The following MAP2K7 variants were observed in gnomAD, a reference collection of about 807,000 sequenced individuals.
MAP2K7 encodes dual specificity mitogen-activated protein kinase kinase 7.
Under a neutral mutation model 47.7 loss-of-function variants are expected in MAP2K7, and 12 were observed. The observed-to-expected ratio is 0.25, with a 90% CI of 0.16 to 0.41. MAP2K7 has a LOEUF of 0.41. Among genes scored for constraint, MAP2K7 ranks in the 10% least tolerant of loss-of-function variants. The pLI is 1.00. For synonymous variants in MAP2K7, 299 were observed against 243.0 expected (o/e 1.23, Z -2.14); for missense variants, 415 against 600.3 (o/e 0.69, Z 3.23).
chr19:7,904,186 G>GCC (rs1008142863), intron 1 of MAP2K7, 118 bp downstream of exon 1: 2 of 819,234 alleles, frequency 2.4e-6, no homozygotes, highest in Non-Finnish European at 3.1e-6. Flanking sequence ...TCTCCTCTCC[G>GCC]CCCCCCCCGC....
intron 5 of MAP2K7, 36 bp downstream of exon 5, chr19:7,910,608 T>A: frequency 6.2e-7 from 1 of 1,612,636 alleles, no homozygotes; most frequent in Non-Finnish European, 8.5e-7. Context: ...CGTCTCCTCC[T>A]CCCTCACCCC....
rs373957718 is a variant in MAP2K7, at chr19:7,911,129, G to A, written c.825G>A (p.Thr275=). Residue 275 remains threonine (T), a synonymous_variant, in exon 7 of 11, where the codon ACG becomes ACA. Transcript: ENST00000397979. The part of the protein sequence containing the change: ...SGRLVDSKAK[T]RSAGCAAYMA... ...GCCTGGTGGACTCCAAAGCCAAGAC[G>A]CGGAGCGCCGGCTGTGCCGCCTACA... The A allele has an allele frequency of 1.3e-4, 203 of 1,611,464 alleles. No individual in the cohort carries two copies. The highest frequency in any genetic ancestry group is 2.3e-4 in the South Asian group (21 of 91,046).
intron 1 of MAP2K7, chr19:7,905,889 C>G (rs1165101920): frequency 6.2e-7 from 1 of 1,605,946 alleles, no homozygotes; most frequent in South Asian, 1.1e-5. Context: ...GCTTGGACAT[C>G]TGCACCATTG....
At chr19:7,907,411 C>T (rs927931917) in intron 1 of MAP2K7, among the ~76,000 whole-genome samples, 5 of 152,184 alleles carry the variant, frequency 3.3e-5, no homozygotes, top group East Asian at 1.9e-4. Context: ...TGCACTTGCA[C>T]GGCATGTGCG....
chr19:7,912,427 G>A lies in MAP2K7; in HGVS notation c.1256G>A (p.Arg419Lys). The change falls in exon 11 of 11, where the codon AGG (arginine) becomes AAG (lysine). Residue 419 changes from arginine (R) to lysine (K), a missense_variant. By Grantham distance (26) the Arg-to-Lys change is conservative. Coordinates refer to ENST00000397979, the MANE Select transcript of MAP2K7 (RefSeq NM_145185.4). ...AGCCAGCCCCACCTGCCCTTCTTCA[G>A]GTAGCTGCTTGGCGGCGGCCAGCCC... Reference protein sequence around the residue: ...VLSQPHLPFFR With the variant: ...VLSQPHLPFFK The A allele has an allele frequency of 6.2e-7, 1 of 1,611,494 alleles. No homozygotes were observed.
intron 1 of MAP2K7, among the ~76,000 whole-genome samples, 172 bp downstream of exon 1, chr19:7,904,240 G>A (rs1430786856): frequency 6.6e-6 from 1 of 152,056 alleles, no homozygotes; most frequent in African/African-American, 2.4e-5. Context: ...GGGGGGCGTG[G>A]AGCCGGCGAG....
At chr19:7,905,198 C>T (rs1982368168) in intron 1 of MAP2K7, among the ~76,000 whole-genome samples, 1 of 152,180 alleles carries the variant, frequency 6.6e-6, no homozygotes. Context: ...CTCTTGTCTC[C>T]TCTGATGTGA....
intron 1 of MAP2K7, 137 bp downstream of exon 1, chr19:7,904,205 C>G: frequency 1.4e-6 from 1 of 736,562 alleles, no homozygotes; most frequent in Non-Finnish European, 1.8e-6. Context: ...GCTGCGGGCT[C>G]GCGGGGCGAG....
In MAP2K7 at chr19:7,910,240, A is replaced by G. The variant is rs1251796608; in HGVS notation, c.334-20A>G. ...GTGGCAGAGGCCCCAGGGACCCTCC[A>G]ACCCTCCCTCTCCTCCCAGCGCTAC... On this transcript the variant is annotated intron_variant, in intron 3 of 10. Transcript: ENST00000397979. 1 of 1,611,326 alleles carries G rather than the reference A, an allele frequency of 6.2e-7. No homozygotes were observed. Among genetic ancestry groups the G allele is most frequent in the African/African-American group, 1.3e-5 (1 of 74,888 alleles).
At chr19:7,909,056 AGCCCCTGCAGGAGCTGT>A (rs1159885708) in intron 1 of MAP2K7, among the ~76,000 whole-genome samples, 14 of 151,856 alleles carry the variant, frequency 9.2e-5, no homozygotes, top group Non-Finnish European at 1.9e-4. Context: ...TGGTCCCGCC[AGCCCCTGCAGGAGCTGT>A]GCCCCCGAGC....
chr19:7,910,200 G>T (rs776928830), intron 3 of MAP2K7, 60 bp from the exon 4 acceptor site: 28 of 1,600,158 alleles, frequency 1.7e-5, no homozygotes, highest in African/African-American at 5.4e-5. Context: ...GAGCGCCAGT[G>T]GGGGGCAGGG....
intron 7 of MAP2K7, 28 bp downstream of exon 7, chr19:7,911,187 G>A: frequency 3.1e-6 from 5 of 1,608,100 alleles, no homozygotes; most frequent in East Asian, 2.2e-5. Context: ...AGCGGGGGAG[G>A]GGGTGGGGGC....
chr19:7,907,234 G>T (rs1268855002), intron 1 of MAP2K7, among the ~76,000 whole-genome samples: 2 of 152,164 alleles, frequency 1.3e-5, no homozygotes, highest in African/African-American at 2.4e-5. Flanking sequence ...GCCAGCCTGT[G>T]TGGGGCATGC....
Position 7,909,741 on chromosome 19 carries a change from T to C in MAP2K7, c.125-14T>C. ...GCTGACCCCCCTCCCTGCCACTGGTTCTCACCCCCCTAGCCCTGCAGCTCC... is the reference window on the plus strand; with the variant it reads ...GCTGACCCCCCTCCCTGCCACTGGTCCTCACCCCCCTAGCCCTGCAGCTCC... On this transcript the variant is annotated splice_polypyrimidine_tract_variant and intron_variant, in intron 1 of 10. Coordinates refer to ENST00000397979, the MANE Select transcript of MAP2K7 (RefSeq NM_145185.4). 1 of 1,528,462 alleles carries C rather than the reference T, an allele frequency of 6.5e-7. No individual in the cohort carries two copies. The highest frequency in any genetic ancestry group is 8.8e-7 in the Non-Finnish European group (1 of 1,137,658). 94.7% of individuals were successfully genotyped at this position (1,528,462 alleles called of 1,614,324 possible). A position where few individuals can be genotyped will look rare whatever the true frequency, so the allele number is the denominator to read the frequency against.
At position 7,910,970 on chromosome 19, in the gene MAP2K7, G is replaced by C. The variant is rs757528714; in HGVS notation, c.676-10G>C. On this transcript the variant is annotated splice_polypyrimidine_tract_variant and intron_variant, in intron 6 of 10. Transcript: ENST00000397979. ...CCCTGCCACATGCACCCCCCTCTGC[G>C]TGCCTGCAGATTGTGAAGGCGCTGT... is the stretch of plus-strand genomic sequence containing the variant. 5.0e-6 allele frequency: 8 copies of C among 1,603,604 alleles called. No homozygotes were observed.
Position 7,911,231 on chromosome 19 carries a change from T to TC in MAP2K7, c.856-18dup, listed in dbSNP as rs767172383. 59 of 1,606,006 alleles carry TC rather than the reference T, an allele frequency of 3.7e-5. 1 individual carries two copies. The highest frequency in any genetic ancestry group is 3.1e-5 in the Non-Finnish European group (37 of 1,174,890). On this transcript the variant is annotated intron_variant, in intron 7 of 10. Transcript: ENST00000397979. ...CGGCCCCAGCCTTGGAGATACGTCT[T>TC]CTCCTCCCCCCCCTGCAGCCCGAGC...
At chr19:7,910,025 A>G in intron 2 of MAP2K7, 38 bp from the exon 3 acceptor site, 3 of 1,565,662 alleles carry the variant, frequency 1.9e-6, no homozygotes, top group Non-Finnish European at 2.6e-6. Flanking sequence ...ACCTAAGGTC[A>G]GGACCCACCT....
intron 9 of MAP2K7, 99 bp from the exon 10 acceptor site, chr19:7,912,050 G>T: frequency 9.0e-7 from 1 of 1,114,192 alleles, no homozygotes; most frequent in Non-Finnish European, 1.3e-6. Context: ...CACACATCTT[G>T]GGGACCCCTG....
At position 7,912,564 on chromosome 19, in the gene MAP2K7, G is replaced by A; in HGVS notation, c.*133G>A. On this transcript the variant is annotated 3_prime_UTR_variant, in exon 11 of 11. Transcript: ENST00000397979. The stretch of plus-strand genomic sequence containing the variant: ...CCACCTAGGACTGAGGACAGAGAGT[G>A]GGGGGTGCCCACCCACCCCCCCCGC... The A allele has an allele frequency of 3.6e-6, 4 of 1,096,806 alleles. No homozygotes were observed. The highest frequency in any genetic ancestry group is 5.9e-5 in the Admixed American group (2 of 34,066). 67.9% of individuals were successfully genotyped at this position (1,096,806 alleles called of 1,614,324 possible).
Sources: allele counts gnomAD v4.1 joint callset (sites outside exome capture counted in the v4.1 genomes callset), GRCh38; gene constraint gnomAD v4.1.1; transcripts MANE v1.5; gene names NCBI Gene and HGNC (gene_info 2026-07-23, HGNC 2026-07-21).